CCDC146: variants seen among roughly 807,000 people sequenced by gnomAD.
The protein encoded by CCDC146 is coiled-coil domain-containing protein 146.
In CCDC146, 92 loss-of-function variants were observed where a neutral mutation model predicts 119.3. The ratio of observed to expected loss-of-function variants is 0.77; its 90% confidence interval spans 0.65 to 0.92. The LOEUF is 0.92. CCDC146 is among the 40% of genes least tolerant of loss of function. The pLI is 0.00. For missense variants in CCDC146, 1,000 were observed against 1,103.0 expected (o/e 0.91, Z 1.32); for synonymous variants, 372 against 371.8 (o/e 1.00, Z -0.01).
At chr7:77,286,578 T>C (rs1342637902) in intron 15 of CCDC146, among the ~76,000 whole-genome samples, 1 of 152,132 alleles carries the variant, frequency 6.6e-6, no homozygotes, top group Non-Finnish European at 1.5e-5. Context: ...CTGCCTCACC[T>C]CATATGATCG....
At chr7:77,188,568 C>T (rs893283779) in intron 2 of CCDC146, among the ~76,000 whole-genome samples, 3 of 152,196 alleles carry the variant, frequency 2.0e-5, no homozygotes, top group Non-Finnish European at 4.4e-5. Context: ...GGTACACACA[C>T]ACGCACTGTA....
intron 2 of CCDC146, among the ~76,000 whole-genome samples, chr7:77,178,357 C>T (rs1791531754): frequency 6.6e-6 from 1 of 152,146 alleles, no homozygotes; most frequent in African/African-American, 2.4e-5. Context: ...GGTCCTTTAC[C>T]TCCTCACATA....
intron 1 of CCDC146, among the ~76,000 whole-genome samples, chr7:77,160,870 T>A (rs1316054878): frequency 6.6e-6 from 1 of 151,690 alleles, no homozygotes; most frequent in South Asian, 2.1e-4. Flanking sequence ...TGGGAGAAAA[T>A]TTTTGCAACC....
chr7:77,220,363 T>C (rs1298779781), intron 2 of CCDC146, among the ~76,000 whole-genome samples: 1 of 152,218 alleles, frequency 6.6e-6, no homozygotes, highest in African/African-American at 2.4e-5. Flanking sequence ...CCTATTCTTT[T>C]AGGATGCCCA....
intron 4 of CCDC146, among the ~76,000 whole-genome samples, chr7:77,243,913 C>T (rs951653628): frequency 6.6e-6 from 1 of 152,132 alleles, no homozygotes. Flanking sequence ...GAGTCGTGCT[C>T]TGTCGCCCAG....
chr7:77,287,084 C>T (rs1793861909), intron 16 of CCDC146, 158 bp downstream of exon 16: 2 of 847,460 alleles, frequency 2.4e-6, no homozygotes, highest in African/African-American at 1.7e-5. Flanking sequence ...ACATTCTAAG[C>T]TTGATTTAGA....
intron 2 of CCDC146, among the ~76,000 whole-genome samples, chr7:77,207,375 T>C (rs1041369004): frequency 6.6e-6 from 1 of 152,212 alleles, no homozygotes; most frequent in Non-Finnish European, 1.5e-5. Flanking sequence ...TGCTTGGCCC[T>C]TAGTTTATTT....
Position 77,280,554 on chromosome 7 carries a change from A to G in CCDC146, c.1820A>G (p.Asn607Ser), listed in dbSNP as rs1253483694. The change falls in exon 14 of 19, where the codon AAT becomes AGT. Residue 607 changes from asparagine (N) to serine (S), a missense_variant. By Grantham distance (46) the Asn-to-Ser change is conservative (BLOSUM62 1). Coordinates refer to ENST00000285871, the MANE Select transcript of CCDC146 (RefSeq NM_020879.3). ...AAAGAAAAGAAGGAAGCCCAGTTAA[A>G]TAACATTGACAGACTTGCCAACACG... Reference protein sequence around the residue: ...EMKEKKEAQLNNIDRLANTIT... With the variant: ...EMKEKKEAQLSNIDRLANTIT... 4.3e-6 allele frequency: 7 copies of G among 1,614,214 alleles called. No individual in the cohort carries two copies. The East Asian group carries it at 6.7e-5, about 15-fold the overall frequency.
intron 2 of CCDC146, among the ~76,000 whole-genome samples, chr7:77,186,258 A>G (rs1252327326): frequency 6.6e-6 from 1 of 152,162 alleles, no homozygotes; most frequent in Non-Finnish European, 1.5e-5. Flanking sequence ...CCAACAGATG[A>G]ATGAATAAAG....
intron 1 of CCDC146, among the ~76,000 whole-genome samples, chr7:77,133,687 T>C (rs1411311339): frequency 6.7e-6 from 1 of 148,512 alleles, no homozygotes; most frequent in Non-Finnish European, 1.5e-5. Context: ...TTATTCAGCA[T>C]CGTACTGGAG....
chr7:77,242,274 G>A (rs141054883), intron 4 of CCDC146: 117 of 526,834 alleles, frequency 2.2e-4, no homozygotes, highest in African/African-American at 2.2e-3. Context: ...TGCATGGTGA[G>A]CACTTCTCCC....
At position 77,196,405 on chromosome 7, in the gene CCDC146, G is replaced by T; in HGVS notation, c.156+28581G>T. ...AGAAAATCCCATTACGGACACCTCT[G>T]TATTTTTGGTGATAATATTTGCCAT... On this transcript the variant is annotated intron_variant, in intron 2 of 18. Transcript: ENST00000285871. The surrounding 1 kb of genome is among the most constrained non-coding windows in gnomAD (Gnocchi z 4.2). 6.2e-7 allele frequency: 1 copy of T among 1,614,100 alleles called. No individual in the cohort carries two copies. Among genetic ancestry groups the T allele is most frequent in the African/African-American group, 1.3e-5 (1 of 75,030 alleles).
In CCDC146 at chr7:77,217,709, A is replaced by G. The variant is rs190076380; in HGVS notation, c.157-19238A>G. Among the ~76,000 whole-genome samples the G allele has an allele frequency of 1.5e-3, 223 of 152,212 alleles. 1 individual carries two copies. Among genetic ancestry groups the G allele is most frequent in the Non-Finnish European group, 2.7e-3 (184 of 68,004 alleles). On this transcript the variant is annotated intron_variant, in intron 2 of 18. Transcript: ENST00000285871. ...ATAGAGTGTACTTACACAAACCTAG[A>G]TGGTATAGCCTACTATACACTTAGG...
intron 15 of CCDC146, 114 bp from the exon 16 acceptor site, chr7:77,286,684 C>T (rs558490247): frequency 1.1e-6 from 1 of 950,752 alleles, no homozygotes; most frequent in African/African-American, 1.6e-5. Context: ...GAGTTCTCTT[C>T]TACCCTTGTC....
At chr7:77,165,518 A>G (rs914026991) in intron 1 of CCDC146, among the ~76,000 whole-genome samples, 1 of 152,100 alleles carries the variant, frequency 6.6e-6, no homozygotes, top group Non-Finnish European at 1.5e-5. Flanking sequence ...TGCATGCATC[A>G]GGGCAGTTTG....
chr7:77,217,558 TATATAG>T (rs1792323472), intron 2 of CCDC146, among the ~76,000 whole-genome samples: 1 of 134,124 alleles, frequency 7.5e-6, no homozygotes, highest in South Asian at 2.4e-4. Flanking sequence ...TACATATATA[TATATAG>T]AGAGAGAGAG....
At chr7:77,166,822 G>A (rs1181303651) in intron 1 of CCDC146, among the ~76,000 whole-genome samples, 9 of 152,032 alleles carry the variant, frequency 5.9e-5, no homozygotes, top group Admixed American at 6.6e-5. Flanking sequence ...CAAATTATGT[G>A]GGTCACCCTG....
intron 2 of CCDC146, among the ~76,000 whole-genome samples, chr7:77,174,140 C>T (rs3095461): frequency 0.54 from 82,242 of 151,810 alleles, 22,772 homozygotes; most frequent in African/African-American, 0.65. Context: ...TTGTCTCTTC[C>T]TGAACATCAT....
intron 1 of CCDC146, among the ~76,000 whole-genome samples, chr7:77,127,021 A>G (rs1447468072): frequency 1.3e-5 from 2 of 152,100 alleles, no homozygotes; most frequent in Non-Finnish European, 2.9e-5. Context: ...AGCCAGCTCC[A>G]GGAGAGGAGA....
Sources: allele counts gnomAD v4.1 joint callset (sites outside exome capture counted in the v4.1 genomes callset), GRCh38; gene constraint gnomAD v4.1.1; non-coding constraint Gnocchi (gnomAD v3.1); transcripts MANE v1.5; gene names NCBI Gene and HGNC (gene_info 2026-07-23, HGNC 2026-07-21).